The following DNAJC25 variants were observed in gnomAD, a reference collection of about 807,000 sequenced individuals.
The protein encoded by DNAJC25 is dnaJ homolog subfamily C member 25.
Under a neutral mutation model 42.1 loss-of-function variants are expected in DNAJC25, and 26 were observed. The ratio of observed to expected loss-of-function variants is 0.62; its 90% CI spans 0.45 to 0.86. The LOEUF (loss-of-function observed/expected upper bound fraction) is 0.86. Ranked by LOEUF, DNAJC25 falls within the 40% of genes least tolerant of loss-of-function variation. DNAJC25 has a pLI of 0.00. For synonymous variants in DNAJC25, 189 were observed against 179.9 expected (o/e 1.05, Z -0.40); for missense variants, 404 against 459.4 (o/e 0.88, Z 1.10).
chr9:111,647,042 C>T lies in DNAJC25; in HGVS notation c.337-65C>T, dbSNP rs188161151. ...TTATAAAATTCTATATGTGATTTAA[C>T]AGATTATAAACTAAGGCCATTTAAT... On this transcript the variant is annotated intron_variant, in intron 1 of 3. Coordinates refer to ENST00000313525, the MANE Select transcript of DNAJC25 (RefSeq NM_001015882.3). 2.1e-4 allele frequency: 312 copies of T among 1,462,924 alleles called. 1 individual carries two copies. In the African/African-American group the frequency reaches 4.3e-3, roughly 20 times the overall value. The allele number at this position is 1,462,924 out of a possible 1,614,324, so 90.6% of individuals were successfully genotyped here. A position where few individuals can be genotyped will look rare whatever the true frequency, so the allele number is the denominator to read the frequency against.
At chr9:111,637,723 A>G (rs1885503) in intron 1 of DNAJC25, among the ~76,000 whole-genome samples, 7,574 of 152,216 alleles carry the variant, frequency 0.05, 306 homozygotes, top group South Asian at 0.15. Flanking sequence ...TACTCACCAG[A>G]TCTGATCAGA....
rs755119560 is a variant in DNAJC25 at position 111,631,763 on chromosome 9, A to G, written c.336+20A>G. ...CTCAAGGTGAGGCCTGCGGGCGTGGAGGGGCTTCGAAGACTGGCCGCGGGA... is the reference window on the plus strand; with the variant it reads ...CTCAAGGTGAGGCCTGCGGGCGTGGGGGGGCTTCGAAGACTGGCCGCGGGA... On this transcript the variant is annotated intron_variant, in intron 1 of 3. Transcript: ENST00000313525. The G allele has an allele frequency of 8.0e-6, 12 of 1,498,226 alleles. No individual in the cohort carries two copies. In the South Asian group the frequency reaches 1.1e-4, roughly 14 times the overall value. 92.8% of individuals were successfully genotyped at this position (1,498,226 alleles called of 1,614,324 possible). A position where few individuals can be genotyped will look rare whatever the true frequency, so the allele number is the denominator to read the frequency against.
At chr9:111,642,048 G>A (rs1377277141) in intron 1 of DNAJC25, among the ~76,000 whole-genome samples, 1,143 of 77,382 alleles carry the variant, frequency 0.015, no homozygotes, top group South Asian at 0.03. Flanking sequence ...GCCTCTGCCC[G>A]GCCGCCCCTA....
At chr9:111,644,839 G>A (rs1830542097) in intron 1 of DNAJC25, among the ~76,000 whole-genome samples, 1 of 152,204 alleles carries the variant, frequency 6.6e-6, no homozygotes, top group Non-Finnish European at 1.5e-5. Context: ...ATTCTCAGAT[G>A]ATTTCTTGAG....
chr9:111,653,005 C>T, intron 3 of DNAJC25, 95 bp from the exon 4 acceptor site: 1 of 1,318,156 alleles, frequency 7.6e-7, no homozygotes, highest in Non-Finnish European at 9.8e-7. Flanking sequence ...AACTTTTTAC[C>T]TAACATTATG....
At chr9:111,646,268 A>G (rs985745206) in intron 1 of DNAJC25, among the ~76,000 whole-genome samples, 1 of 152,244 alleles carries the variant, frequency 6.6e-6, no homozygotes, top group Non-Finnish European at 1.5e-5. Flanking sequence ...ATAGCTCAGT[A>G]CAACATTGCA....
In DNAJC25 at chr9:111,653,324, A is replaced by G; in HGVS notation, c.*102A>G. On this transcript the variant is annotated 3_prime_UTR_variant, in exon 4 of 4. Coordinates refer to ENST00000313525, the MANE Select transcript of DNAJC25 (RefSeq NM_001015882.3). ...AATTGACTGCTGCTCAGCAGTAACTAAAATTCCTCAAGTATTTGATTAAAC... is the reference window on the plus strand; with the variant it reads ...AATTGACTGCTGCTCAGCAGTAACTGAAATTCCTCAAGTATTTGATTAAAC... 1.3e-5 allele frequency: 17 copies of G among 1,275,312 alleles called. No individual in the cohort carries two copies. The highest frequency in any genetic ancestry group is 1.6e-5 in the Non-Finnish European group (16 of 983,220). 79.0% of individuals were successfully genotyped at this position (1,275,312 alleles called of 1,614,324 possible). A position where few individuals can be genotyped will look rare whatever the true frequency, so the allele number is the denominator to read the frequency against.
intron 1 of DNAJC25, among the ~76,000 whole-genome samples, chr9:111,633,881 C>T (rs891356235): frequency 1.2e-4 from 19 of 152,190 alleles, no homozygotes; most frequent in African/African-American, 4.3e-4. Flanking sequence ...AAGTGATCCA[C>T]TCAAGATCAA....
chr9:111,652,275 C>T (rs940034107), intron 3 of DNAJC25, among the ~76,000 whole-genome samples: 8 of 151,706 alleles, frequency 5.3e-5, no homozygotes, highest in African/African-American at 1.7e-4. Context: ...TTTGGGAGGC[C>T]GAGGTAGGTG....
At chr9:111,631,844 A>C (rs1830286548) in intron 1 of DNAJC25, 101 bp downstream of exon 1, 1 of 1,407,506 alleles carries the variant, frequency 7.1e-7, no homozygotes, top group Non-Finnish European at 9.2e-7. Flanking sequence ...GTGACCCCGA[A>C]ACTGAGCACA....
At chr9:111,640,019 C>T (rs993883834) in intron 1 of DNAJC25, among the ~76,000 whole-genome samples, 68 of 151,630 alleles carry the variant, frequency 4.5e-4, no homozygotes, top group African/African-American at 1.5e-3. Flanking sequence ...GCCATCTCGG[C>T]TCACTGCAAC....
intron 1 of DNAJC25, among the ~76,000 whole-genome samples, chr9:111,646,802 A>C (rs528349480): frequency 1.3e-5 from 2 of 152,374 alleles, no homozygotes; most frequent in African/African-American, 4.8e-5. Context: ...ACAGGCTTTT[A>C]TTAGCACCAA....
chr9:111,631,619 A>T lies in DNAJC25; in HGVS notation c.212A>T (p.Gln71Leu), dbSNP rs1157530057. Residue 71 changes from glutamine (Q) to leucine (L), a missense_variant, in exon 1 of 4, where the codon CAG becomes CTG. Coordinates refer to ENST00000313525, the MANE Select transcript of DNAJC25 (RefSeq NM_001015882.3). ...GCGGAGATCGCGCGGGCCTACCGCCAGCTGGCCCGGCGCTACCACCCTGAC... is the reference window on the plus strand; with the variant it reads ...GCGGAGATCGCGCGGGCCTACCGCCTGCTGGCCCGGCGCTACCACCCTGAC... Reference protein sequence around the residue: ...GKAEIARAYRQLARRYHPDRY... With the variant: ...GKAEIARAYRLLARRYHPDRY... The T allele has an allele frequency of 1.1e-5, 17 of 1,496,644 alleles. No individual in the cohort carries two copies. Among genetic ancestry groups the T allele is most frequent in the Non-Finnish European group, 1.4e-5 (16 of 1,130,616 alleles). The allele number at this position is 1,496,644 out of a possible 1,614,324, so 92.7% of individuals were successfully genotyped here.
chr9:111,640,139 G>T (rs760258744), intron 1 of DNAJC25, among the ~76,000 whole-genome samples: 19,069 of 144,646 alleles, frequency 0.13, 1,530 homozygotes, highest in East Asian at 0.4. Context: ...TGTTGGCCGG[G>T]CCGGTCTCCA....
chr9:111,647,272 G>A lies in DNAJC25; in HGVS notation c.489+13G>A, dbSNP rs1226194453. On this transcript the variant is annotated intron_variant, in intron 2 of 3. Coordinates refer to ENST00000313525, the MANE Select transcript of DNAJC25 (RefSeq NM_001015882.3). ...TTCGGTGTTTCAGGTATGTATCAAT[G>A]GATATTTTTATCTACATTTATGTGC... The A allele has an allele frequency of 6.2e-7, 1 of 1,613,440 alleles. No homozygotes were observed. The highest frequency in any genetic ancestry group is 8.5e-7 in the Non-Finnish European group (1 of 1,179,734).
Position 111,647,272 on chromosome 9 carries a change from G to C in DNAJC25, c.489+13G>C. On this transcript the variant is annotated intron_variant, in intron 2 of 3. Coordinates refer to ENST00000313525, the MANE Select transcript of DNAJC25 (RefSeq NM_001015882.3). ...TTCGGTGTTTCAGGTATGTATCAATGGATATTTTTATCTACATTTATGTGC... is the reference window on the plus strand; with the variant it reads ...TTCGGTGTTTCAGGTATGTATCAATCGATATTTTTATCTACATTTATGTGC... The C allele has an allele frequency of 6.2e-7, 1 of 1,613,440 alleles. No homozygotes were observed. The highest frequency in any genetic ancestry group is 1.3e-5 in the African/African-American group (1 of 75,002).
rs1215267986 is a variant in DNAJC25, at chr9:111,647,245, A to G, written c.475A>G (p.Ile159Val). 6.8e-6 allele frequency: 11 copies of G among 1,613,940 alleles called. No homozygotes were observed. Among genetic ancestry groups the G allele is most frequent in the Non-Finnish European group, 5.1e-6 (6 of 1,179,992 alleles). The change falls in exon 2 of 4, where the codon ATT (isoleucine) becomes GTT (valine). Residue 159 changes from isoleucine to valine, a missense_variant. Ile to Val is a conservative substitution (Grantham distance 29). Transcript: ENST00000313525. Reference sequence around the variant, plus strand: ...AGTGATTTTGGTCAGCGTGTGTGCTATTTCGGTGTTTCAGGTATGTATCAA... The same window carrying G: ...AGTGATTTTGGTCAGCGTGTGTGCTGTTTCGGTGTTTCAGGTATGTATCAA... The part of the protein sequence containing the change: ...RVVILVSVCA[I>V]SVFQFFSWWN...
chr9:111,638,450 G>A (rs1830396237), intron 1 of DNAJC25, among the ~76,000 whole-genome samples: 1 of 152,162 alleles, frequency 6.6e-6, no homozygotes, highest in Admixed American at 6.5e-5. Context: ...CAAAGACAAA[G>A]GTGCACTCCT....
intron 1 of DNAJC25, among the ~76,000 whole-genome samples, chr9:111,637,837 C>G (rs778457238): frequency 2.0e-4 from 31 of 152,220 alleles, no homozygotes; most frequent in Admixed American, 1.1e-3. Context: ...TTGACGTGAT[C>G]TTTGTCTGTT....
Sources: allele counts gnomAD v4.1 joint callset (sites outside exome capture counted in the v4.1 genomes callset), GRCh38; gene constraint gnomAD v4.1.1; transcripts MANE v1.5; gene names NCBI Gene and HGNC (gene_info 2026-07-23, HGNC 2026-07-21).